ADAMTSL1: variants seen among roughly 807,000 people sequenced by gnomAD.
The protein encoded by ADAMTSL1 is ADAMTS like 1.
Under a neutral mutation model 201.8 loss-of-function variants are expected in ADAMTSL1, and 126 were observed. The ratio of observed to expected loss-of-function variants is 0.62; its 90% CI spans 0.54 to 0.72. The LOEUF is 0.72. ADAMTSL1 is among the 30% of genes least tolerant of loss of function. The pLI, the probability that ADAMTSL1 is intolerant of heterozygous loss-of-function variation, is 0.00. For synonymous variants in ADAMTSL1, 1,121 were observed against 903.4 expected (o/e 1.24, Z -4.32); for missense variants, 2,679 against 2,277.8 (o/e 1.18, Z -3.59).
At chr9:18,028,658 C>T (rs1008088162) in intron 1 of ADAMTSL1, among the ~76,000 whole-genome samples, 1 of 152,156 alleles carries the variant, frequency 6.6e-6, no homozygotes, top group South Asian at 2.1e-4. Flanking sequence ...ATTTTGGTTA[C>T]TGTAGCCTTG....
chr9:18,349,131 A>G (rs1835851544), intron 2 of ADAMTSL1, among the ~76,000 whole-genome samples: 1 of 152,206 alleles, frequency 6.6e-6, no homozygotes, highest in Admixed American at 6.5e-5. Context: ...GCTCTTAACC[A>G]TCACACTGAC....
At chr9:18,436,231 G>A (rs1819725002) in intron 2 of ADAMTSL1, among the ~76,000 whole-genome samples, 1 of 152,084 alleles carries the variant, frequency 6.6e-6, no homozygotes, top group African/African-American at 2.4e-5. Flanking sequence ...AATGCTCGGG[G>A]AAGGATGTGG....
chr9:18,841,351 A>G (rs13302266), intron 23 of ADAMTSL1, among the ~76,000 whole-genome samples: 27,750 of 151,598 alleles, frequency 0.18, 2,507 homozygotes, highest in Middle Eastern at 0.28. Context: ...ATTGATTTGC[A>G]TATATTGAAC....
intron 2 of ADAMTSL1, among the ~76,000 whole-genome samples, chr9:18,265,946 A>T (rs946313378): frequency 6.6e-6 from 1 of 152,192 alleles, no homozygotes; most frequent in African/African-American, 2.4e-5. Flanking sequence ...GCCAACAGGG[A>T]CATTTACTAT....
At position 17,944,507 on chromosome 9, in the gene ADAMTSL1, G is replaced by A. The variant is rs565544146; in HGVS notation, c.87+37585G>A. On this transcript the variant is annotated intron_variant, in intron 1 of 29. Transcript: ENST00000680146. ...ACCAAAAAAGAGCCCGCATCATCAA[G>A]TCAATCCTAAGCCAAAAGAACAAAG... Among the ~76,000 whole-genome samples, 618 of 152,038 alleles carry A rather than the reference G, an allele frequency of 4.1e-3. 2 individuals are homozygous for A. The highest frequency in any genetic ancestry group is 0.014 in the African/African-American group (587 of 41,468).
chr9:18,396,044 G>A (rs1265206736), intron 2 of ADAMTSL1, among the ~76,000 whole-genome samples: 6 of 152,160 alleles, frequency 3.9e-5, no homozygotes, highest in African/African-American at 1.4e-4. Context: ...AGAGTTCTTG[G>A]GGCTAGCTCT....
At chr9:17,949,508 T>C (rs554822314) in intron 1 of ADAMTSL1, among the ~76,000 whole-genome samples, 216 of 152,292 alleles carry the variant, frequency 1.4e-3, no homozygotes, top group African/African-American at 5.1e-3. Context: ...GGCTGGCTGA[T>C]TGGAGTTTTT....
chr9:18,412,636 C>A (rs1186364148), intron 2 of ADAMTSL1, among the ~76,000 whole-genome samples: 1 of 152,102 alleles, frequency 6.6e-6, no homozygotes, highest in Non-Finnish European at 1.5e-5. Flanking sequence ...TGCGTTTTTG[C>A]TACTATGGAT....
intron 1 of ADAMTSL1, among the ~76,000 whole-genome samples, chr9:17,962,585 C>A (rs1213768393): frequency 6.6e-6 from 1 of 152,128 alleles, no homozygotes; most frequent in African/African-American, 2.4e-5. Context: ...TGTGTCACTG[C>A]AGAAAAGTGT....
chr9:18,536,658 A>G (rs934798569), intron 3 of ADAMTSL1, among the ~76,000 whole-genome samples: 31 of 152,266 alleles, frequency 2.0e-4, no homozygotes, highest in Admixed American at 1.8e-3. Flanking sequence ...CCCATTTTAC[A>G]GTTCCCTGCT....
chr9:18,334,815 AG>A (rs1181613017), intron 2 of ADAMTSL1, among the ~76,000 whole-genome samples: 2 of 152,168 alleles, frequency 1.3e-5, no homozygotes, highest in African/African-American at 4.8e-5. Flanking sequence ...GAAAAAAGGA[AG>A]GATTCTAATT....
chr9:18,839,612 G>A (rs1454025251), intron 23 of ADAMTSL1, among the ~76,000 whole-genome samples: 1 of 152,340 alleles, frequency 6.6e-6, no homozygotes, highest in East Asian at 1.9e-4. Flanking sequence ...TGGCCACACT[G>A]CCTTCCACAA....
chr9:18,840,460 CAGGT>C (rs1301131472), intron 23 of ADAMTSL1, among the ~76,000 whole-genome samples: 7 of 152,246 alleles, frequency 4.6e-5, no homozygotes, highest in African/African-American at 1.7e-4. Context: ...AGTTTGAAGT[CAGGT>C]AGTGTGATGC....
intron 4 of ADAMTSL1, among the ~76,000 whole-genome samples, chr9:18,592,312 G>A (rs1210860457): frequency 6.6e-5 from 10 of 152,090 alleles, no homozygotes; most frequent in Admixed American, 5.9e-4. Context: ...TCAAGAAATG[G>A]TTCCTTGTTG....
At chr9:18,588,902 T>TATATATATATATATATATAC (rs1177277949) in intron 4 of ADAMTSL1, among the ~76,000 whole-genome samples, 6 of 116,760 alleles carry the variant, frequency 5.1e-5, no homozygotes. Context: ...TATATATATA[T>TATATATATATATATATATAC]ACATATATAT....
chr9:18,149,745 T>A (rs1038499556), intron 1 of ADAMTSL1, among the ~76,000 whole-genome samples: 3 of 152,038 alleles, frequency 2.0e-5, no homozygotes, highest in Non-Finnish European at 2.9e-5. Context: ...TGTGTTGGAC[T>A]GAAGAAAGGA....
intron 2 of ADAMTSL1, among the ~76,000 whole-genome samples, chr9:18,348,626 A>C (rs558961602): frequency 1.3e-5 from 2 of 152,292 alleles, no homozygotes; most frequent in East Asian, 3.9e-4. Flanking sequence ...AAGTAGTATC[A>C]GGACCAACTG....
In ADAMTSL1 at chr9:18,777,229, G is replaced by T. The variant is rs200971374; in HGVS notation, c.3000G>T (p.Gly1000=). 67 of 1,612,640 alleles carry T rather than the reference G, an allele frequency of 4.2e-5. No homozygotes were observed. In the African/African-American group the frequency reaches 8.0e-4, roughly 19 times the overall value. The change falls in exon 19 of 29, where the codon GGG becomes GGT. Residue 1000 remains glycine, a synonymous_variant. Transcript: ENST00000380548. ...EALQTHKHQN[G]IFSNGSKAEK... is the part of the protein sequence containing the mutation. ...TGCAGACCCACAAACACCAGAACGG[G>T]ATCTTCTCCAACGGCAGCAAGGCGG...
intron 3 of ADAMTSL1, among the ~76,000 whole-genome samples, chr9:18,573,627 C>G (rs1297516532): frequency 1.3e-5 from 2 of 152,100 alleles, no homozygotes; most frequent in South Asian, 2.1e-4. Flanking sequence ...CTCTCAATAT[C>G]AGAACTGAAA....
Sources: allele counts gnomAD v4.1 joint callset (sites outside exome capture counted in the v4.1 genomes callset), GRCh38; gene constraint gnomAD v4.1.1; transcripts MANE v1.5; gene names NCBI Gene and HGNC (gene_info 2026-07-23, HGNC 2026-07-21).